The following DLG2 variants were observed in gnomAD, a reference collection of about 807,000 sequenced individuals.
The protein encoded by DLG2 is discs large MAGUK scaffold protein 2.
A neutral mutation model predicts 132.5 loss-of-function variants in DLG2; 45 were observed. That is an observed-to-expected ratio of 0.34 (90% confidence interval 0.27 to 0.44). DLG2 has a LOEUF of 0.44. DLG2 is among the 20% of genes least tolerant of loss of function. DLG2 has a pLI of 1.00. For missense variants in DLG2, 1,045 were observed against 1,196.9 expected (o/e 0.87, Z 1.87); for synonymous variants, 424 against 419.6 (o/e 1.01, Z -0.13).
At chr11:83,976,440 C>A (rs1254174576) in intron 12 of DLG2, among the ~76,000 whole-genome samples, 1 of 151,654 alleles carries the variant, frequency 6.6e-6, no homozygotes, top group Non-Finnish European at 1.5e-5. Context: ...ATTTGTCCTT[C>A]CTTTGTGGGA....
intron 6 of DLG2, among the ~76,000 whole-genome samples, chr11:84,581,280 G>A (rs1387250630): frequency 6.6e-6 from 1 of 152,170 alleles, no homozygotes; most frequent in East Asian, 1.9e-4. Context: ...GTCTAGTGGA[G>A]TCGGTTTTTC....
At chr11:83,824,641 T>A (rs1390935161) in intron 17 of DLG2, among the ~76,000 whole-genome samples, 1 of 152,202 alleles carries the variant, frequency 6.6e-6, no homozygotes, top group Non-Finnish European at 1.5e-5. Context: ...TATCAGCATT[T>A]AAAAAATTTG....
intron 6 of DLG2, among the ~76,000 whole-genome samples, chr11:84,615,390 G>A (rs1351358498): frequency 6.6e-6 from 1 of 151,978 alleles, no homozygotes; most frequent in East Asian, 1.9e-4. Flanking sequence ...ACTGCTCTTG[G>A]TCACCTGAAA....
At chr11:83,769,584 A>C (rs971475439) in intron 18 of DLG2, among the ~76,000 whole-genome samples, 3 of 126,310 alleles carry the variant, frequency 2.4e-5, no homozygotes, top group African/African-American at 9.2e-5. Context: ...TTTTTTTGAG[A>C]TGGAGTTTCA....
intron 6 of DLG2, among the ~76,000 whole-genome samples, chr11:84,724,776 A>T (rs1005907387): frequency 6.6e-6 from 1 of 152,132 alleles, no homozygotes; most frequent in Non-Finnish European, 1.5e-5. Flanking sequence ...TCAATCACAA[A>T]TGTTTATTTC....
chr11:84,587,983 C>G (rs979772794), intron 6 of DLG2, among the ~76,000 whole-genome samples: 4 of 152,122 alleles, frequency 2.6e-5, no homozygotes, highest in Non-Finnish European at 5.9e-5. Flanking sequence ...CTTCCTATTA[C>G]GATAGCATCA....
At chr11:84,551,907 A>T (rs182567860) in intron 6 of DLG2, among the ~76,000 whole-genome samples, 9 of 152,118 alleles carry the variant, frequency 5.9e-5, no homozygotes, top group Non-Finnish European at 1.0e-4. Flanking sequence ...CCAAATACAA[A>T]ATTACACAGA....
rs116156897 is a variant in DLG2, at chr11:84,370,216, G to A, written c.520-118925C>T. ...ATATATAACCGTTTCACAGATCTGA[G>A]CTGCCTCTCACCTAAAAGTGGTATA... On this transcript the variant is annotated intron_variant, in intron 7 of 27. Coordinates refer to ENST00000376104, the MANE Select transcript of DLG2 (RefSeq NM_001142699.3). 2.8e-3 allele frequency among the ~76,000 whole-genome samples: 419 copies of A among 152,070 alleles called. 2 individuals carry two copies. The highest frequency in any genetic ancestry group is 9.4e-3 in the African/African-American group (388 of 41,496).
At chr11:83,551,756 C>T (rs2096396445) in intron 19 of DLG2, among the ~76,000 whole-genome samples, 1 of 152,038 alleles carries the variant, frequency 6.6e-6, no homozygotes, top group South Asian at 2.1e-4. Context: ...CCTTACTCAC[C>T]CAGGCAAAAG....
chr11:84,083,360 A>T (rs1358476621), intron 10 of DLG2, among the ~76,000 whole-genome samples: 3 of 152,192 alleles, frequency 2.0e-5, no homozygotes, highest in Admixed American at 6.5e-5. Context: ...AGATTGCTCT[A>T]TTAATCTGGG....
At chr11:84,480,096 T>C (rs759409145) in intron 7 of DLG2, among the ~76,000 whole-genome samples, 1 of 152,214 alleles carries the variant, frequency 6.6e-6, no homozygotes, top group African/African-American at 2.4e-5. Flanking sequence ...TTCATGGTCA[T>C]GCTGTGCAGA....
At chr11:84,857,106 A>G (rs1332892339) in intron 6 of DLG2, among the ~76,000 whole-genome samples, 1 of 151,510 alleles carries the variant, frequency 6.6e-6, no homozygotes, top group Non-Finnish European at 1.5e-5. Flanking sequence ...AAAAATACCA[A>G]CTTTTCTGGG....
At chr11:85,139,208 A>C (rs1179870417) in intron 5 of DLG2, among the ~76,000 whole-genome samples, 1 of 152,056 alleles carries the variant, frequency 6.6e-6, no homozygotes, top group Non-Finnish European at 1.5e-5. Context: ...CCCCTATCTG[A>C]AGTTTACCAG....
chr11:83,927,791 TG>T (rs1457095064), intron 15 of DLG2, among the ~76,000 whole-genome samples: 8 of 152,016 alleles, frequency 5.3e-5, no homozygotes, highest in African/African-American at 1.9e-4. Context: ...TGGGAGATGA[TG>T]GGGGCTTGGA....
At chr11:84,946,688 G>A (rs2050242119) in intron 6 of DLG2, among the ~76,000 whole-genome samples, 1 of 152,154 alleles carries the variant, frequency 6.6e-6, no homozygotes, top group Non-Finnish European at 1.5e-5. Flanking sequence ...TTGAGAGAGA[G>A]GAAACACAAG....
chr11:83,565,312 A>G (rs2096686780), intron 19 of DLG2, among the ~76,000 whole-genome samples: 1 of 152,188 alleles, frequency 6.6e-6, no homozygotes, highest in Non-Finnish European at 1.5e-5. Flanking sequence ...AGCAAAAACA[A>G]TATATCTTCT....
chr11:84,903,323 C>T (rs2091121771), intron 6 of DLG2, among the ~76,000 whole-genome samples: 1 of 152,136 alleles, frequency 6.6e-6, no homozygotes, highest in South Asian at 2.1e-4. Flanking sequence ...CACTTTCATG[C>T]CTTATGTTTT....
At chr11:84,172,701 C>A (rs566438654) in intron 8 of DLG2, among the ~76,000 whole-genome samples, 2 of 152,012 alleles carry the variant, frequency 1.3e-5, no homozygotes, top group African/African-American at 4.8e-5. Flanking sequence ...CGCCACCATG[C>A]GCAGCTAATT....
intron 6 of DLG2, among the ~76,000 whole-genome samples, chr11:84,815,013 T>C (rs141666891): frequency 1.9e-3 from 290 of 152,014 alleles, no homozygotes; most frequent in African/African-American, 6.5e-3. Flanking sequence ...AGAGAAGGCT[T>C]TGGAAGAGGA....
Sources: allele counts gnomAD v4.1 joint callset (sites outside exome capture counted in the v4.1 genomes callset), GRCh38; gene constraint gnomAD v4.1.1; transcripts MANE v1.5; gene names NCBI Gene and HGNC (gene_info 2026-07-23, HGNC 2026-07-21).